Variants in CRMP1 observed in about 807,000 individuals in gnomAD.
CRMP1 encodes dihydropyrimidinase-related protein 1.
CRMP1 carries 19 observed loss-of-function variants against 68.3 expected under a neutral mutation model. The observed-to-expected ratio is 0.28, with a 90% confidence interval of 0.19 to 0.41. The LOEUF (loss-of-function observed/expected upper bound fraction) is 0.41, where lower values mean the gene tolerates loss of function less well. Ranked by LOEUF, CRMP1 falls within the 10% of genes least tolerant of loss-of-function variation. CRMP1 has a pLI of 1.00. For synonymous variants in CRMP1, 439 were observed against 399.6 expected (o/e 1.10, Z -1.18); for missense variants, 791 against 967.4 (o/e 0.82, Z 2.42).
At chr4:5,835,154 C>G (rs1252273115) in intron 11 of CRMP1, among the ~76,000 whole-genome samples, 2 of 152,230 alleles carry the variant, frequency 1.3e-5, no homozygotes, top group African/African-American at 4.8e-5. Context: ...CCCACTGCAG[C>G]TCCATCACGG....
chr4:5,835,612 G>A (rs774024765), intron 11 of CRMP1, among the ~76,000 whole-genome samples: 1 of 152,170 alleles, frequency 6.6e-6, no homozygotes, highest in East Asian at 1.9e-4. Flanking sequence ...GAGCCCTGAA[G>A]CTTACACATT....
rs1423979939 is a variant in CRMP1 at position 5,890,449 on chromosome 4, G to A, written c.381+2140C>T. ...CGGGGGGGGAAGGGCCGGGGCACCC[G>A]TTGCGAAGCCCTGGAGCGGTGAGGC... is the stretch of plus-strand genomic sequence containing the variant. On this transcript the variant is annotated intron_variant, in intron 1 of 13. Coordinates refer to ENST00000324989, the MANE Select transcript of CRMP1 (RefSeq NM_001014809.3). The surrounding 1 kb of genome is among the most constrained non-coding windows in gnomAD (Gnocchi z 5.5). 2.0e-5 allele frequency among the ~76,000 whole-genome samples: 3 copies of A among 152,226 alleles called. No homozygotes were observed. The highest frequency in any genetic ancestry group is 4.4e-5 in the Non-Finnish European group (3 of 68,044).
At chr4:5,886,438 C>G (rs946664026) in intron 1 of CRMP1, among the ~76,000 whole-genome samples, 2 of 152,232 alleles carry the variant, frequency 1.3e-5, no homozygotes, top group African/African-American at 4.8e-5. Flanking sequence ...CACTGAGGTT[C>G]AGAGAGGCAT....
At chr4:5,887,681 G>A in intron 1 of CRMP1, 1 of 985,554 alleles carries the variant, frequency 1.0e-6, no homozygotes. Context: ...GCGGGGAGGG[G>A]TGGACCGAGC....
intron 4 of CRMP1, among the ~76,000 whole-genome samples, chr4:5,852,375 A>G (rs979206247): frequency 6.6e-6 from 1 of 152,178 alleles, no homozygotes; most frequent in Non-Finnish European, 1.5e-5. Context: ...TGCACAGTAC[A>G]CTCATGACAA....
intron 12 of CRMP1, among the ~76,000 whole-genome samples, chr4:5,827,609 TACAC>T (rs540130361): frequency 1.3e-5 from 2 of 151,702 alleles, no homozygotes; most frequent in African/African-American, 4.8e-5. Flanking sequence ...CATGCTCGCA[TACAC>T]ACACGCGCAC....
At position 5,821,865 on chromosome 4, in the gene CRMP1, C is replaced by T. The variant is rs764807204; in HGVS notation, c.1970-14G>A. 1 of 1,546,078 alleles carries T rather than the reference C, an allele frequency of 6.5e-7. No individual in the cohort carries two copies. Among genetic ancestry groups the T allele is most frequent in the South Asian group, 1.2e-5 (1 of 84,752 alleles). Reference sequence around the variant, plus strand: ...CTATCTGGGCACCTGAAAGAGAGCGCCAATCGCTGCTGGATGGGATCTGTT... The same window carrying T: ...CTATCTGGGCACCTGAAAGAGAGCGTCAATCGCTGCTGGATGGGATCTGTT... On this transcript the variant is annotated splice_polypyrimidine_tract_variant and intron_variant, in intron 13 of 13. Coordinates refer to ENST00000324989, the MANE Select transcript of CRMP1 (RefSeq NM_001014809.3). The surrounding 1 kb of genome is among the most constrained non-coding windows in gnomAD (Gnocchi z 4.4).
Position 5,888,843 on chromosome 4 carries a change from G to T in CRMP1, c.381+3746C>A, listed in dbSNP as rs1007839090. ...ATCTGCGGGGGTGTGGGGGGAGGGA[G>T]TGTGGGACGGGGGCCAAGGATCGGC... On this transcript the variant is annotated intron_variant, in intron 1 of 13. Coordinates refer to ENST00000324989, the MANE Select transcript of CRMP1 (RefSeq NM_001014809.3). The surrounding 1 kb of genome is among the most constrained non-coding windows in gnomAD (Gnocchi z 6.4). Among the ~76,000 whole-genome samples the T allele has an allele frequency of 6.6e-6, 1 of 151,940 alleles. No individual in the cohort carries two copies. Among genetic ancestry groups the T allele is most frequent in the Admixed American group, 6.5e-5 (1 of 15,272 alleles).
At chr4:5,822,783 C>G (rs1465834190) in intron 13 of CRMP1, among the ~76,000 whole-genome samples, 1 of 152,162 alleles carries the variant, frequency 6.6e-6, no homozygotes, top group Non-Finnish European at 1.5e-5. Flanking sequence ...TGGTCTACAA[C>G]ACAGCCTTCC....
At chr4:5,829,626 C>T (rs1024165809) in intron 11 of CRMP1, among the ~76,000 whole-genome samples, 1 of 152,054 alleles carries the variant, frequency 6.6e-6, no homozygotes, top group Non-Finnish European at 1.5e-5. Flanking sequence ...TAAGTATGTC[C>T]GAGGCATGAA....
rs1057298521 is a variant in CRMP1 at position 5,861,635 on chromosome 4, A to G, written c.471-425T>C. Among the ~76,000 whole-genome samples, 1 of 152,138 alleles carries G rather than the reference A, an allele frequency of 6.6e-6. No individual in the cohort carries two copies. Among genetic ancestry groups the G allele is most frequent in the African/African-American group, 2.4e-5 (1 of 41,428 alleles). On this transcript the variant is annotated intron_variant, in intron 2 of 13. Transcript: ENST00000324989. This position sits in a 1 kb window ranked among gnomAD's most constrained non-coding sequence, Gnocchi z 6.0. ...TTCCAAATGGGGAAGGAGGGAAAAG[A>G]GCCTACGAAATGAGAAACGAAGCCC... is the stretch of plus-strand genomic sequence containing the variant.
intron 1 of CRMP1, among the ~76,000 whole-genome samples, chr4:5,876,749 C>G (rs3821938): frequency 3.3e-5 from 5 of 151,028 alleles, no homozygotes; most frequent in African/African-American, 7.3e-5. Context: ...CCCACCACCC[C>G]CCTTCTGAAA....
chr4:5,878,929 TG>T (rs1715037790), intron 1 of CRMP1, among the ~76,000 whole-genome samples: 1 of 152,176 alleles, frequency 6.6e-6, no homozygotes, highest in Non-Finnish European at 1.5e-5. Flanking sequence ...GCATCTACTC[TG>T]GAACTGTTCT....
Position 5,858,628 on chromosome 4 carries a change from C to A in CRMP1, c.656-2321G>T, listed in dbSNP as rs544481078. On this transcript the variant is annotated intron_variant, in intron 3 of 13. Coordinates refer to ENST00000324989, the MANE Select transcript of CRMP1 (RefSeq NM_001014809.3). This position sits in a 1 kb window ranked among gnomAD's most constrained non-coding sequence, Gnocchi z 5.5. ...GCTGAATTACGCAATCGCCTCCCAACTGGTCCAGACACATCCCATCCAGGC... is the reference window on the plus strand; with the variant it reads ...GCTGAATTACGCAATCGCCTCCCAAATGGTCCAGACACATCCCATCCAGGC... Among the ~76,000 whole-genome samples, 1 of 152,346 alleles carries A rather than the reference C, an allele frequency of 6.6e-6. No individual in the cohort carries two copies. The highest frequency in any genetic ancestry group is 1.5e-5 in the Non-Finnish European group (1 of 68,040).
chr4:5,827,733 G>GCACACACA (rs141887967), intron 12 of CRMP1, among the ~76,000 whole-genome samples: 2,418 of 138,318 alleles, frequency 0.017, 32 homozygotes, highest in South Asian at 0.045. Flanking sequence ...ATGTGCGCGT[G>GCACACACA]CACACACACA....
chr4:5,831,400 C>T (rs1468262599), intron 11 of CRMP1, among the ~76,000 whole-genome samples: 2 of 152,084 alleles, frequency 1.3e-5, no homozygotes, highest in Non-Finnish European at 2.9e-5. Context: ...TTGGGGGTTC[C>T]AGGCAATCAC....
At position 5,892,781 on chromosome 4, in the gene CRMP1, C is replaced by A; in HGVS notation, c.189G>T (p.Thr63=). ...YSVGRRGSAR[T]PRSAGRPDAV... Reference sequence around the variant, plus strand: ...CGTCGGGCCGGCCAGCGCTGCGCGGCGTGCGCGCCGAGCCGCGGCGGCCCA... The same window carrying A: ...CGTCGGGCCGGCCAGCGCTGCGCGGAGTGCGCGCCGAGCCGCGGCGGCCCA... Residue 63 remains threonine (T), a synonymous_variant, in exon 1 of 14, where the codon ACG becomes ACT. Coordinates refer to ENST00000324989, the MANE Select transcript of CRMP1 (RefSeq NM_001014809.3). The surrounding 1 kb of genome is among the most constrained non-coding windows in gnomAD (Gnocchi z 8.6). 1 of 1,297,382 alleles carries A rather than the reference C, an allele frequency of 7.7e-7. No individual in the cohort carries two copies. The allele number at this position is 1,297,382 out of a possible 1,614,324, so 80.4% of individuals were successfully genotyped here. A position where few individuals can be genotyped will look rare whatever the true frequency, so the allele number is the denominator to read the frequency against.
chr4:5,848,528 C>G (rs981370663), intron 6 of CRMP1, among the ~76,000 whole-genome samples: 9 of 152,194 alleles, frequency 5.9e-5, no homozygotes, highest in African/African-American at 2.2e-4. Context: ...CACTCCACAG[C>G]TAGAATTATC....
rs946236761 is a variant in CRMP1, at chr4:5,860,325, T to A, written c.655+701A>T. 1.2e-4 allele frequency among the ~76,000 whole-genome samples: 18 copies of A among 152,178 alleles called. No individual in the cohort carries two copies. Among genetic ancestry groups the A allele is most frequent in the Non-Finnish European group, 2.1e-4 (14 of 68,038 alleles). On this transcript the variant is annotated intron_variant, in intron 3 of 13. Coordinates refer to ENST00000324989, the MANE Select transcript of CRMP1 (RefSeq NM_001014809.3). The surrounding 1 kb of genome is among the most constrained non-coding windows in gnomAD (Gnocchi z 4.2). ...GAGAACAGAGTGGCTGGGGAGTCACTGGGTCCAGAATGGGAGACCCATGGT... is the reference window on the plus strand; with the variant it reads ...GAGAACAGAGTGGCTGGGGAGTCACAGGGTCCAGAATGGGAGACCCATGGT...
Sources: allele counts gnomAD v4.1 joint callset (sites outside exome capture counted in the v4.1 genomes callset), GRCh38; gene constraint gnomAD v4.1.1; non-coding constraint Gnocchi (gnomAD v3.1); transcripts MANE v1.5; gene names NCBI Gene and HGNC (gene_info 2026-07-23, HGNC 2026-07-21).